The following TMEM71 variants were observed in gnomAD, a reference collection of about 807,000 sequenced individuals.
The protein encoded by TMEM71 is transmembrane protein 71.
Under a neutral mutation model 38.0 loss-of-function variants are expected in TMEM71, and 44 were observed. The ratio of observed to expected loss-of-function variants is 1.16; its 90% CI spans 0.91 to 1.49. The LOEUF is 1.49. TMEM71 is among the 40% of genes most tolerant of loss of function. The probability of loss-of-function intolerance (pLI) is 0.00; values close to 1 mark genes in which losing one functional copy is unlikely to be tolerated. For synonymous variants in TMEM71, 133 were observed against 122.5 expected (o/e 1.09, Z -0.56); for missense variants, 367 against 348.6 (o/e 1.05, Z -0.42).
At position 132,714,153 on chromosome 8, in the gene TMEM71, C is replaced by G; in HGVS notation, c.814+1G>C. 10 of 1,612,794 alleles carry G rather than the reference C, an allele frequency of 6.2e-6. No homozygotes were observed. Among genetic ancestry groups the G allele is most frequent in the African/African-American group, 1.3e-5 (1 of 75,032 alleles). ...CAGTAATCTGGGAAACAGTTACTTA[C>G]AAGCTACAGTTATCATCAATGAGCA... On this transcript the variant is annotated splice_donor_variant, in intron 8 of 9. Coordinates refer to ENST00000677595, the MANE Select transcript of TMEM71 (RefSeq NM_001382403.1). LOFTEE classifies it high-confidence loss of function.
chr8:132,752,170 A>G (rs557004671), intron 3 of TMEM71, among the ~76,000 whole-genome samples, 173 bp from the exon 4 acceptor site: 1 of 152,342 alleles, frequency 6.6e-6, no homozygotes, highest in South Asian at 2.1e-4. Context: ...CTCCTCACCT[A>G]TGACAGCGTT....
intron 5 of TMEM71, among the ~76,000 whole-genome samples, chr8:132,742,607 T>C (rs1309719406): frequency 6.6e-6 from 1 of 152,254 alleles, no homozygotes; most frequent in East Asian, 1.9e-4. Flanking sequence ...TAGGGTCATG[T>C]CTTACTTAGC....
At chr8:132,764,500 A>G (rs1419289864), upstream of TMEM71, among the ~76,000 whole-genome samples, 3 of 152,152 alleles carry the variant, frequency 2.0e-5, no homozygotes, top group Non-Finnish European at 4.4e-5. Context: ...AATCCTCTTC[A>G]TGGCCTGCCA....
chr8:132,738,998 A>G lies in TMEM71; in HGVS notation c.487+7944T>C, dbSNP rs374142608. ...ATCAGTGGGCAAAGCTGGGTGAAGC[A>G]TACACTGACCCTCTCTATACTATTT... On this transcript the variant is annotated intron_variant, in intron 5 of 9. Transcript: ENST00000677595. 7.9e-4 allele frequency among the ~76,000 whole-genome samples: 120 copies of G among 152,332 alleles called. 3 individuals are homozygous for G. The highest frequency in any genetic ancestry group is 2.8e-3 in the African/African-American group (118 of 41,560).
chr8:132,722,102 C>A lies in TMEM71; in HGVS notation c.690G>T (p.Leu230Phe), dbSNP rs1826886840. The A allele has an allele frequency of 6.2e-7, 1 of 1,612,864 alleles. No homozygotes were observed. The highest frequency in any genetic ancestry group is 8.5e-7 in the Non-Finnish European group (1 of 1,179,390). ...GGATTGCCTGAAAGAAGACCTCTTG[C>A]AACAACCTGGTTTCTAATAGGAAGA... Reference protein sequence around the residue: ...NSSDHSETRLLQEVFFQAILL... With the variant: ...NSSDHSETRLFQEVFFQAILL... The change falls in exon 7 of 10, where the codon TTG (leucine) becomes TTT (phenylalanine). Residue 230 changes from leucine to phenylalanine, a missense_variant. Coordinates refer to ENST00000677595, the MANE Select transcript of TMEM71 (RefSeq NM_001382403.1).
rs533586997 is a variant in TMEM71, at chr8:132,747,042, C to T, written c.387G>A (p.Trp129Ter). ...SLFNLSTSKS[W>*]LHGSIFGDIN... ...TGTCACCAAAGATACTTCCATGCAG[C>T]CAAGATTTGGAGGTACTGAGGTTGA... The change falls in exon 5 of 10, where the codon TGG (tryptophan) becomes TGA (stop). Residue 129 changes from tryptophan (W) to a stop codon, truncating the protein, a stop_gained. Coordinates refer to ENST00000677595, the MANE Select transcript of TMEM71 (RefSeq NM_001382403.1). LOFTEE classifies it high-confidence loss of function. 3 of 1,613,572 alleles carry T rather than the reference C, an allele frequency of 1.9e-6. No homozygotes were observed. Among genetic ancestry groups the T allele is most frequent in the South Asian group, 1.1e-5 (1 of 91,020 alleles).
chr8:132,714,155 A>G lies in TMEM71; in HGVS notation c.813T>C (p.Ala271=). The G allele has an allele frequency of 6.2e-7, 1 of 1,613,150 alleles. No individual in the cohort carries two copies. Among genetic ancestry groups the G allele is most frequent in the South Asian group, 1.1e-5 (1 of 91,060 alleles). ...GTAATCTGGGAAACAGTTACTTACA[A>G]GCTACAGTTATCATCAATGAGCATG... The part of the protein sequence containing the change: ...VFTCSLMITV[A]YVKSLFLSLA... The change falls in exon 8 of 10, where the codon GCT becomes GCC. Residue 271 remains alanine, a splice_region_variant and synonymous_variant. Coordinates refer to ENST00000677595, the MANE Select transcript of TMEM71 (RefSeq NM_001382403.1).
At chr8:132,741,880 A>G (rs1828060503) in intron 5 of TMEM71, among the ~76,000 whole-genome samples, 1 of 152,196 alleles carries the variant, frequency 6.6e-6, no homozygotes, top group Admixed American at 6.5e-5. Context: ...GGGGAAAAGG[A>G]GACTCCCTTT....
At chr8:132,726,915 G>T (rs982370106) in intron 6 of TMEM71, among the ~76,000 whole-genome samples, 1 of 147,570 alleles carries the variant, frequency 6.8e-6, no homozygotes, top group African/African-American at 2.5e-5. Flanking sequence ...GTATGATCTC[G>T]AGTGATCTCG....
At chr8:132,721,351 G>A (rs1826831918) in intron 7 of TMEM71, among the ~76,000 whole-genome samples, 1 of 152,182 alleles carries the variant, frequency 6.6e-6, no homozygotes, top group Non-Finnish European at 1.5e-5. Flanking sequence ...ACAATGGGAA[G>A]GGTGGAGTCT....
intron 6 of TMEM71, among the ~76,000 whole-genome samples, chr8:132,725,446 G>A (rs1217153214): frequency 2.6e-5 from 4 of 152,176 alleles, no homozygotes; most frequent in Non-Finnish European, 4.4e-5. Flanking sequence ...GACAGAGAAT[G>A]CCAGGATCCT....
chr8:132,736,934 T>G (rs1827782567), intron 5 of TMEM71, among the ~76,000 whole-genome samples: 1 of 152,190 alleles, frequency 6.6e-6, no homozygotes, highest in African/African-American at 2.4e-5. Flanking sequence ...TAACTTGATT[T>G]CCCCATTTCA....
the TMEM71 span, among the ~76,000 whole-genome samples, chr8:132,768,324 A>G: frequency 1.3e-5 from 2 of 152,054 alleles, no homozygotes. Context: ...GGTCACAAAT[A>G]TTTACATTCC....
At chr8:132,768,798 G>A in the TMEM71 span, among the ~76,000 whole-genome samples, 2 of 152,334 alleles carry the variant, frequency 1.3e-5, no homozygotes, top group South Asian at 4.1e-4. Context: ...TCCTGCAGAA[G>A]GGGAATTATT....
chr8:132,716,028 G>T (rs752095870), intron 7 of TMEM71, among the ~76,000 whole-genome samples: 1 of 152,162 alleles, frequency 6.6e-6, no homozygotes, highest in African/African-American at 2.4e-5. Context: ...TGTGGGCTTC[G>T]CAGAGCCCGA....
At chr8:132,715,739 T>C (rs1021012569) in intron 7 of TMEM71, among the ~76,000 whole-genome samples, 1 of 152,190 alleles carries the variant, frequency 6.6e-6, no homozygotes. Context: ...CAATGGAATA[T>C]GATTCAGCAA....
At chr8:132,722,009 T>C in intron 7 of TMEM71, 31 bp downstream of exon 7, 2 of 1,568,130 alleles carry the variant, frequency 1.3e-6, no homozygotes, top group South Asian at 2.2e-5. Flanking sequence ...AATTATGAAA[T>C]ACCGCTGCAT....
intron 5 of TMEM71, among the ~76,000 whole-genome samples, chr8:132,733,654 A>T (rs921420883): frequency 1.3e-5 from 2 of 152,142 alleles, no homozygotes; most frequent in Non-Finnish European, 2.9e-5. Context: ...AGAAAATGAA[A>T]CACGCAGATC....
chr8:132,747,777 T>C (rs1009237793), intron 4 of TMEM71, among the ~76,000 whole-genome samples: 1 of 152,216 alleles, frequency 6.6e-6, no homozygotes, highest in African/African-American at 2.4e-5. Context: ...TAAGTCTGAT[T>C]AGGTCATGCC....
Sources: gnomAD v4.1 joint callset for allele counts (sites outside exome capture counted in the v4.1 genomes callset) on GRCh38, gnomAD v4.1.1 for gene constraint, MANE v1.5 for transcripts, NCBI Gene and HGNC (gene_info 2026-07-23, HGNC 2026-07-21) for gene names.